Variants in MLN observed in about 807,000 individuals in gnomAD.
The protein encoded by MLN is promotilin.
In MLN, 14 loss-of-function variants were observed where a neutral mutation model predicts 13.3. The observed-to-expected ratio is 1.05, with a 90% CI of 0.69 to 1.64. The LOEUF (loss-of-function observed/expected upper bound fraction) is 1.64, where lower values mean the gene tolerates loss of function less well. Ranked by LOEUF, MLN falls within the 40% of genes most tolerant of loss-of-function variation. The pLI is 0.00. For synonymous variants in MLN, 59 were observed against 54.7 expected (o/e 1.08, Z -0.34); for missense variants, 122 against 142.9 (o/e 0.85, Z 0.75).
chr6:33,796,968 T>C (rs916819889), intron 3 of MLN, among the ~76,000 whole-genome samples: 3 of 152,226 alleles, frequency 2.0e-5, no homozygotes, highest in Non-Finnish European at 4.4e-5. Flanking sequence ...GTGTGCTCCC[T>C]GCTCACCAGC....
In MLN at chr6:33,803,307, C is replaced by CTTTTTTTT. The variant is rs535908944; in HGVS notation, c.-8+638_-8+645dup. ...CTTTTTCTTTTCCTTTTCTTTTCTT[C>CTTTTTTTT]TTTTTTTTTTTTTTTTCTGAGATGG... is the stretch of plus-strand genomic sequence containing the variant. On this transcript the variant is annotated intron_variant, in intron 1 of 4. Coordinates refer to ENST00000430124, the MANE Select transcript of MLN (RefSeq NM_002418.3). The surrounding 1 kb of genome is among the most constrained non-coding windows in gnomAD (Gnocchi z 4.5). Among the ~76,000 whole-genome samples the CTTTTTTTT allele has an allele frequency of 7.3e-6, 1 of 136,148 alleles. No individual in the cohort carries two copies. The highest frequency in any genetic ancestry group is 2.2e-4 in the East Asian group (1 of 4,598). The allele number at this position is 136,148 out of a possible 152,430, so 89.3% of individuals were successfully genotyped here.
chr6:33,796,194 C>T (rs1246617113), intron 3 of MLN, among the ~76,000 whole-genome samples: 1 of 152,146 alleles, frequency 6.6e-6, no homozygotes, highest in African/African-American at 2.4e-5. Context: ...TACACTTATT[C>T]TAAGTGCTTT....
In MLN at chr6:33,803,346, C is replaced by T. The variant is rs1286412246; in HGVS notation, c.-8+607G>A. On this transcript the variant is annotated intron_variant, in intron 1 of 4. Transcript: ENST00000430124. This position sits in a 1 kb window ranked among gnomAD's most constrained non-coding sequence, Gnocchi z 4.5. ...TTTCTGAGATGGAGTCTCGCTCTGT[C>T]TCCCAGGCTAGAGTGCAGTGGCGCG... Among the ~76,000 whole-genome samples, 1 of 145,484 alleles carries T rather than the reference C, an allele frequency of 6.9e-6. No individual in the cohort carries two copies. The highest frequency in any genetic ancestry group is 1.5e-5 in the Non-Finnish European group (1 of 66,900).
chr6:33,801,086 G>A lies in MLN; in HGVS notation c.78C>T (p.Phe26=), dbSNP rs754991862. ...GTTCGCCATAGGTGAAGATGGGGAC[G>A]AAGGCTTCCGTCTGGGAGGCCAGCA... ...AAMLASQTEA[F]VPIFTYGELQ... Residue 26 remains phenylalanine (F), a synonymous_variant, in exon 2 of 5, where the codon TTC becomes TTT. Coordinates refer to ENST00000430124, the MANE Select transcript of MLN (RefSeq NM_002418.3). 7 of 1,613,980 alleles carry A rather than the reference G, an allele frequency of 4.3e-6. No homozygotes were observed. Among genetic ancestry groups the A allele is most frequent in the South Asian group, 1.1e-5 (1 of 91,086 alleles).
At position 33,803,006 on chromosome 6, in the gene MLN, TA is replaced by T. The variant is rs1320045324; in HGVS notation, c.-8+946del. On this transcript the variant is annotated intron_variant, in intron 1 of 4. Transcript: ENST00000430124. The surrounding 1 kb of genome is among the most constrained non-coding windows in gnomAD (Gnocchi z 4.5). ...ATAGGAATCAATAAAAACTTTAAAT[TA>T]AAAAAAAGGCAAAATCCAATTGCTT... 1.3e-5 allele frequency among the ~76,000 whole-genome samples: 2 copies of T among 151,984 alleles called. No individual in the cohort carries two copies. The highest frequency in any genetic ancestry group is 4.8e-5 in the African/African-American group (2 of 41,442).
chr6:33,796,142 G>A (rs1767919013), intron 3 of MLN, among the ~76,000 whole-genome samples: 2 of 152,012 alleles, frequency 1.3e-5, no homozygotes, highest in South Asian at 4.2e-4. Flanking sequence ...TGTATTTTTA[G>A]TAGAGACGGG....
rs1440992324 is a variant in MLN, at chr6:33,803,308, T to TTC, written c.-8+644_-8+645insGA. The stretch of plus-strand genomic sequence containing the variant: ...TTTTTCTTTTCCTTTTCTTTTCTTC[T>TTC]TTTTTTTTTTTTTTTCTGAGATGGA... On this transcript the variant is annotated intron_variant, in intron 1 of 4. Coordinates refer to ENST00000430124, the MANE Select transcript of MLN (RefSeq NM_002418.3). The surrounding 1 kb of genome is among the most constrained non-coding windows in gnomAD (Gnocchi z 4.5). Among the ~76,000 whole-genome samples the TTC allele has an allele frequency of 4.1e-3, 266 of 64,276 alleles. 5 individuals carry two copies. The highest frequency in any genetic ancestry group is 3.0e-3 in the Non-Finnish European group (80 of 26,512). The allele number at this position is 64,276 out of a possible 152,430, so 42.2% of individuals were successfully genotyped here.
rs1306934583 is a variant in MLN at position 33,795,500 on chromosome 6, T to C, written c.337+3A>G. On this transcript the variant is annotated splice_donor_region_variant and intron_variant, in intron 4 of 4. Coordinates refer to ENST00000430124, the MANE Select transcript of MLN (RefSeq NM_002418.3). ...GCCACAGAGATGCCCGCCCTCCCCG[T>C]ACCATGCTGGGGAAGCATCTCACTC... The C allele has an allele frequency of 4.5e-6, 7 of 1,557,922 alleles. No individual in the cohort carries two copies. Among genetic ancestry groups the C allele is most frequent in the African/African-American group, 1.4e-5 (1 of 73,730 alleles).
In MLN at chr6:33,799,284, G is replaced by C; in HGVS notation, c.118-63C>G. On this transcript the variant is annotated intron_variant, in intron 2 of 4. Coordinates refer to ENST00000430124, the MANE Select transcript of MLN (RefSeq NM_002418.3). This position sits in a 1 kb window ranked among gnomAD's most constrained non-coding sequence, Gnocchi z 4.6. ...CCTCAACCCACGCTGATGGCCCCTT[G>C]CCTGTCTCCATCTGCCCAGGGTGCT... 1 of 1,205,162 alleles carries C rather than the reference G, an allele frequency of 8.3e-7. No homozygotes were observed. The highest frequency in any genetic ancestry group is 1.3e-5 in the South Asian group (1 of 78,044). 74.7% of individuals were successfully genotyped at this position (1,205,162 alleles called of 1,614,324 possible). A position where few individuals can be genotyped will look rare whatever the true frequency, so the allele number is the denominator to read the frequency against.
chr6:33,799,807 T>TTA lies in MLN; in HGVS notation c.118-587_118-586insTA, dbSNP rs776846021. Among the ~76,000 whole-genome samples the TTA allele has an allele frequency of 2.0e-4, 30 of 152,358 alleles. No individual in the cohort carries two copies. Among genetic ancestry groups the TTA allele is most frequent in the Non-Finnish European group, 4.1e-4 (28 of 68,042 alleles). ...CTTTGCTTGCTATTTTGCTAGTTTATGTTCCATTGGGTTTGACTGTTCCTG... is the reference window on the plus strand; with the variant it reads ...CTTTGCTTGCTATTTTGCTAGTTTATTAGTTCCATTGGGTTTGACTGTTCCTG... On this transcript the variant is annotated intron_variant, in intron 2 of 4. Coordinates refer to ENST00000430124, the MANE Select transcript of MLN (RefSeq NM_002418.3). The surrounding 1 kb of genome is among the most constrained non-coding windows in gnomAD (Gnocchi z 4.6).
chr6:33,795,715 AC>A, intron 3 of MLN, 110 bp from the exon 4 acceptor site: 1 of 815,848 alleles, frequency 1.2e-6, no homozygotes, highest in Non-Finnish European at 2.0e-6. Flanking sequence ...CACCCTGCAG[AC>A]CCCACTAGAG....
At chr6:33,800,233 A>G (rs1295198719) in intron 2 of MLN, among the ~76,000 whole-genome samples, 1 of 152,238 alleles carries the variant, frequency 6.6e-6, no homozygotes, top group Non-Finnish European at 1.5e-5. Context: ...AGTTTCAGAC[A>G]GGGTGGAGCA....
In MLN at chr6:33,794,696, TG is replaced by T; in HGVS notation, c.*128del. The stretch of plus-strand genomic sequence containing the variant: ...TCTGTATATTTCATGCTTTATTTGC[TG>T]GAGGGGAATTTGCTTTGGAAAGGGT... On this transcript the variant is annotated 3_prime_UTR_variant, in exon 5 of 5. Transcript: ENST00000430124. 1.0e-6 allele frequency: 1 copy of T among 987,992 alleles called. No individual in the cohort carries two copies. The highest frequency in any genetic ancestry group is 1.5e-6 in the Non-Finnish European group (1 of 676,478). 61.2% of individuals were successfully genotyped at this position (987,992 alleles called of 1,614,324 possible).
At chr6:33,794,868 A>G (rs1767872342) in intron 4 of MLN, 33 bp from the exon 5 acceptor site, 1 of 1,613,042 alleles carries the variant, frequency 6.2e-7, no homozygotes, top group Non-Finnish European at 8.5e-7. Flanking sequence ...GCTCAGTACC[A>G]TCATCAGGTC....
At chr6:33,801,203 T>G in intron 1 of MLN, 33 bp from the exon 2 acceptor site, 2 of 1,545,182 alleles carry the variant, frequency 1.3e-6, no homozygotes, top group South Asian at 2.2e-5. Flanking sequence ...TGTCACTAAG[T>G]TTGGGGTACA....
intron 3 of MLN, among the ~76,000 whole-genome samples, chr6:33,796,104 C>T (rs1187261880): frequency 3.9e-5 from 6 of 152,062 alleles, no homozygotes; most frequent in Admixed American, 6.6e-5. Context: ...GGACTACAGG[C>T]GCCCGCTACC....
chr6:33,797,534 G>A (rs1694876953), intron 3 of MLN, among the ~76,000 whole-genome samples: 2 of 152,184 alleles, frequency 1.3e-5, no homozygotes, highest in Non-Finnish European at 2.9e-5. Flanking sequence ...TCCATGAGTG[G>A]CAAATCCGTC....
Position 33,803,310 on chromosome 6 carries a change from T to C in MLN, c.-8+643A>G, listed in dbSNP as rs539937217. ...TTTCTTTTCCTTTTCTTTTCTTCTT[T>C]TTTTTTTTTTTTTCTGAGATGGAGT... On this transcript the variant is annotated intron_variant, in intron 1 of 4. Transcript: ENST00000430124. The surrounding 1 kb of genome is among the most constrained non-coding windows in gnomAD (Gnocchi z 4.5). Among the ~76,000 whole-genome samples, 132 of 148,546 alleles carry C rather than the reference T, an allele frequency of 8.9e-4. No individual in the cohort carries two copies. The highest frequency in any genetic ancestry group is 2.0e-3 in the Admixed American group (30 of 15,084).
At position 33,799,793 on chromosome 6, in the gene MLN, A is replaced by G. The variant is rs552343340; in HGVS notation, c.118-572T>C. On this transcript the variant is annotated intron_variant, in intron 2 of 4. Coordinates refer to ENST00000430124, the MANE Select transcript of MLN (RefSeq NM_002418.3). The surrounding 1 kb of genome is among the most constrained non-coding windows in gnomAD (Gnocchi z 4.6). Reference sequence around the variant, plus strand: ...ATTAATGCAGTGTCCTTTGCTTGCTATTTTGCTAGTTTATGTTCCATTGGG... The same window carrying G: ...ATTAATGCAGTGTCCTTTGCTTGCTGTTTTGCTAGTTTATGTTCCATTGGG... Among the ~76,000 whole-genome samples the G allele has an allele frequency of 1.6e-4, 25 of 152,036 alleles. No individual in the cohort carries two copies. The highest frequency in any genetic ancestry group is 3.2e-4 in the Non-Finnish European group (22 of 68,016).
Sources: gnomAD v4.1 joint callset for allele counts (sites outside exome capture counted in the v4.1 genomes callset) on GRCh38, gnomAD v4.1.1 for gene constraint, Gnocchi (gnomAD v3.1) non-coding constraint, MANE v1.5 for transcripts, NCBI Gene and HGNC (gene_info 2026-07-23, HGNC 2026-07-21) for gene names.